MOB3B: variants seen among roughly 807,000 people sequenced by gnomAD.
MOB3B encodes the protein MOB kinase activator-like 2B.
MOB3B carries 7 observed loss-of-function variants against 18.7 expected under a neutral mutation model. The ratio of observed to expected loss-of-function variants is 0.37; its 90% CI spans 0.21 to 0.70. The LOEUF is 0.70. Ranked by LOEUF, MOB3B falls within the 30% of genes least tolerant of loss-of-function variation. MOB3B has a pLI of 0.52. For missense variants in MOB3B, 253 were observed against 281.3 expected (o/e 0.90, Z 0.72); for synonymous variants, 111 against 99.9 (o/e 1.11, Z -0.66).
At chr9:27,474,322 T>C (rs991287749) in intron 1 of MOB3B, among the ~76,000 whole-genome samples, 1 of 152,234 alleles carries the variant, frequency 6.6e-6, no homozygotes, top group Non-Finnish European at 1.5e-5. Flanking sequence ...TATACCTCAT[T>C]ACTGTATGAC....
chr9:27,409,266 T>G (rs2225389), intron 2 of MOB3B, among the ~76,000 whole-genome samples: 11,720 of 152,272 alleles, frequency 0.077, 529 homozygotes, highest in South Asian at 0.12. Context: ...CTGACTTCCT[T>G]CTGGTGTTTA....
intron 3 of MOB3B, among the ~76,000 whole-genome samples, chr9:27,348,968 A>G (rs920849499): frequency 1.3e-5 from 2 of 152,248 alleles, no homozygotes; most frequent in African/African-American, 4.8e-5. Flanking sequence ...GGAGTTGTAC[A>G]TACAATGGCC....
intron 2 of MOB3B, among the ~76,000 whole-genome samples, chr9:27,425,852 C>T (rs1008649156): frequency 1.3e-5 from 2 of 152,154 alleles, no homozygotes; most frequent in African/African-American, 4.8e-5. Flanking sequence ...TTACATTCTA[C>T]CATCTTTTCA....
At chr9:27,404,812 T>C (rs958879406) in intron 2 of MOB3B, among the ~76,000 whole-genome samples, 49 of 152,312 alleles carry the variant, frequency 3.2e-4, no homozygotes, top group African/African-American at 1.1e-3. Context: ...GTGGTAGTTT[T>C]ATTTTTAGTT....
intron 1 of MOB3B, among the ~76,000 whole-genome samples, chr9:27,484,598 C>T (rs74540689): frequency 5.1e-4 from 77 of 152,280 alleles, no homozygotes; most frequent in African/African-American, 1.7e-3. Context: ...AACCTATCCA[C>T]ATTAAAGGGC....
rs544447858 is a variant in MOB3B, at chr9:27,433,721, T to C, written c.418+21412A>G. Among the ~76,000 whole-genome samples the C allele has an allele frequency of 1.1e-4, 17 of 152,272 alleles. No homozygotes were observed. In the East Asian group the frequency reaches 3.3e-3, roughly 29 times the overall value. The stretch of plus-strand genomic sequence containing the variant: ...GTGATTTATAGATGAGAATGAAGCC[T>C]TTCCATGCATATTGAAGGTGCATGG... On this transcript the variant is annotated intron_variant, in intron 2 of 3. Transcript: ENST00000262244.
intron 2 of MOB3B, among the ~76,000 whole-genome samples, chr9:27,433,124 A>T (rs1412416919): frequency 1.3e-5 from 2 of 151,942 alleles, no homozygotes; most frequent in Non-Finnish European, 2.9e-5. Context: ...AAATATGAAG[A>T]TACATATTTG....
At chr9:27,432,298 G>A (rs139809528) in intron 2 of MOB3B, among the ~76,000 whole-genome samples, 1 of 151,342 alleles carries the variant, frequency 6.6e-6, no homozygotes, top group Non-Finnish European at 1.5e-5. Context: ...CTTTCCCTGT[G>A]TTGTAGAGGC....
rs183035321 is a variant in MOB3B at position 27,423,788 on chromosome 9, T to C, written c.418+31345A>G. On this transcript the variant is annotated intron_variant, in intron 2 of 3. Transcript: ENST00000262244. ...TTGTTTAATAAATGAATAAACTGAT[T>C]GAGACTTTATGTTCATCAGAGAAAG... Among the ~76,000 whole-genome samples the C allele has an allele frequency of 6.2e-3, 949 of 152,316 alleles. 7 individuals carry two copies. The highest frequency in any genetic ancestry group is 9.4e-3 in the Non-Finnish European group (639 of 68,034).
At chr9:27,484,752 G>A (rs560320377) in intron 1 of MOB3B, among the ~76,000 whole-genome samples, 16 of 151,856 alleles carry the variant, frequency 1.1e-4, no homozygotes, top group Admixed American at 4.6e-4. Context: ...CCCGACCCCC[G>A]GCCTCCTCTA....
chr9:27,429,219 C>T (rs1822383852), intron 2 of MOB3B, among the ~76,000 whole-genome samples: 1 of 152,130 alleles, frequency 6.6e-6, no homozygotes, highest in African/African-American at 2.4e-5. Flanking sequence ...TCTTGGTTGG[C>T]TTTACAACTC....
At chr9:27,480,237 C>G (rs1819627670) in intron 1 of MOB3B, among the ~76,000 whole-genome samples, 1 of 151,994 alleles carries the variant, frequency 6.6e-6, no homozygotes, top group Non-Finnish European at 1.5e-5. Context: ...GCAACTGCAA[C>G]CTCTGCCTCC....
chr9:27,390,661 G>C (rs1821715130), intron 2 of MOB3B, among the ~76,000 whole-genome samples: 1 of 152,166 alleles, frequency 6.6e-6, no homozygotes, highest in African/African-American at 2.4e-5. Context: ...TATATGTATT[G>C]GAGTTCAGCA....
At chr9:27,420,904 A>G (rs529800327) in intron 2 of MOB3B, among the ~76,000 whole-genome samples, 10 of 106,706 alleles carry the variant, frequency 9.4e-5, no homozygotes, top group African/African-American at 2.6e-4. Flanking sequence ...GAACTTACTC[A>G]TGTAACCAAA....
intron 2 of MOB3B, among the ~76,000 whole-genome samples, chr9:27,430,483 C>T (rs1822402001): frequency 6.6e-6 from 1 of 152,126 alleles, no homozygotes; most frequent in South Asian, 2.1e-4. Context: ...GACTCTGAGC[C>T]TTTCACCCAC....
intron 2 of MOB3B, among the ~76,000 whole-genome samples, chr9:27,369,567 T>A (rs377517183): frequency 6.4e-4 from 98 of 152,354 alleles, no homozygotes; most frequent in Middle Eastern, 3.4e-3. Context: ...AGCCTCCTAC[T>A]GCTTCCAAGG....
intron 2 of MOB3B, among the ~76,000 whole-genome samples, chr9:27,379,795 C>T (rs1348391314): frequency 6.6e-6 from 1 of 152,168 alleles, no homozygotes; most frequent in Admixed American, 6.5e-5. Flanking sequence ...TTGCAAAGCT[C>T]TCAAGGCATA....
chr9:27,378,739 A>T, intron 2 of MOB3B: 1 of 464,582 alleles, frequency 2.2e-6, no homozygotes, highest in Non-Finnish European at 4.5e-6. Context: ...TGGGCATGTG[A>T]CCAAAGTGAT....
chr9:27,372,203 A>G (rs1821426402), intron 2 of MOB3B, among the ~76,000 whole-genome samples: 1 of 152,186 alleles, frequency 6.6e-6, no homozygotes, highest in Admixed American at 6.5e-5. Context: ...GTGCTAATAA[A>G]AACACAATGA....
Sources: gnomAD v4.1 joint callset for allele counts (sites outside exome capture counted in the v4.1 genomes callset) on GRCh38, gnomAD v4.1.1 for gene constraint, MANE v1.5 for transcripts, NCBI Gene and HGNC (gene_info 2026-07-23, HGNC 2026-07-21) for gene names.